Variants in MSH4 observed in about 807,000 individuals in gnomAD.
The protein encoded by MSH4 is mutS protein homolog 4.
A neutral mutation model predicts 113.7 loss-of-function variants in MSH4; 106 were observed. The observed-to-expected ratio is 0.93, with a 90% CI of 0.80 to 1.10. The LOEUF is 1.10. MSH4 is among the 50% of genes least tolerant of loss of function. The pLI, the probability that MSH4 is intolerant of heterozygous loss-of-function variation, is 0.00. For missense variants in MSH4, 1,061 were observed against 1,093.7 expected (o/e 0.97, Z 0.42); for synonymous variants, 368 against 380.2 (o/e 0.97, Z 0.37).
intron 7 of MSH4, among the ~76,000 whole-genome samples, chr1:75,836,981 T>A (rs568863984): frequency 6.6e-6 from 1 of 152,338 alleles, no homozygotes; most frequent in African/African-American, 2.4e-5. Flanking sequence ...GACTCAAATA[T>A]CTTATTGCCT....
chr1:75,817,832 C>T (rs890778930), intron 6 of MSH4, among the ~76,000 whole-genome samples: 9 of 152,028 alleles, frequency 5.9e-5, no homozygotes, highest in African/African-American at 1.9e-4. Context: ...AGACACCCCC[C>T]CTCCCCCTAG....
At chr1:75,885,059 G>GTATATATATATATATATATATA (rs1198722667) in intron 15 of MSH4, among the ~76,000 whole-genome samples, 115 of 112,472 alleles carry the variant, frequency 1.0e-3, no homozygotes, top group African/African-American at 4.5e-3. Context: ...GTGTGTGTGT[G>GTATATATATATATATATATATA]TATATATATA....
chr1:75,888,660 A>C (rs181684175), intron 15 of MSH4, among the ~76,000 whole-genome samples: 1 of 151,762 alleles, frequency 6.6e-6, no homozygotes, highest in African/African-American at 2.4e-5. Context: ...CATTTAAGAG[A>C]TACATAGTGA....
chr1:75,878,229 C>T lies in MSH4; in HGVS notation c.1451C>T (p.Thr484Ile). 1 of 1,609,942 alleles carries T rather than the reference C, an allele frequency of 6.2e-7. No homozygotes were observed. The highest frequency in any genetic ancestry group is 2.2e-5 in the East Asian group (1 of 44,746). The part of the protein sequence containing the change: ...RYMKGCLNMR[T>I]QKCYAVRSNI... The stretch of plus-strand genomic sequence containing the variant: ...ATGAAAGGATGCCTAAACATGAGGA[C>T]TCAGAAGTGCTATGCAGTGAGGTCT... The change falls in exon 11 of 20, where the codon ACT becomes ATT. Residue 484 changes from threonine (T) to isoleucine (I), a missense_variant. Thr to Ile is a moderately conservative substitution (Grantham distance 89). Transcript: ENST00000263187.
intron 1 of MSH4, among the ~76,000 whole-genome samples, chr1:75,800,140 C>T (rs2100498986): frequency 6.6e-6 from 1 of 152,236 alleles, no homozygotes; most frequent in East Asian, 1.9e-4. Flanking sequence ...CAGCCCTCTC[C>T]ATCTCCAGTT....
At chr1:75,858,361 CT>C (rs1380535101) in intron 8 of MSH4, among the ~76,000 whole-genome samples, 14 of 152,280 alleles carry the variant, frequency 9.2e-5, no homozygotes, top group African/African-American at 3.4e-4. Flanking sequence ...AAAGGGAATG[CT>C]TCCAGTTTTT....
chr1:75,803,720 T>C lies in MSH4; in HGVS notation c.245-11T>C, dbSNP rs1649992973. 1 of 1,532,196 alleles carries C rather than the reference T, an allele frequency of 6.5e-7. No individual in the cohort carries two copies. The highest frequency in any genetic ancestry group is 8.8e-7 in the Non-Finnish European group (1 of 1,141,444). The allele number at this position is 1,532,196 out of a possible 1,614,324, so 94.9% of individuals were successfully genotyped here. On this transcript the variant is annotated splice_polypyrimidine_tract_variant and intron_variant, in intron 1 of 19. Coordinates refer to ENST00000263187, the MANE Select transcript of MSH4 (RefSeq NM_002440.4). ...ATCTTTAAGAATTGACTGTTAATTT[T>C]TCAAATTTAGGTTCATACTTTGGAA...
At position 75,884,959 on chromosome 1, in the gene MSH4, A is replaced by C. The variant is rs572942693; in HGVS notation, c.2107+1138A>C. Among the ~76,000 whole-genome samples the C allele has an allele frequency of 1.1e-4, 16 of 149,468 alleles. No homozygotes were observed. The East Asian group carries it at 3.1e-3, about 29-fold the overall frequency. On this transcript the variant is annotated intron_variant, in intron 15 of 19. Coordinates refer to ENST00000263187, the MANE Select transcript of MSH4 (RefSeq NM_002440.4). ...AGCTATGAGGAGCTAATATATATGT[A>C]TATATGTATATGTATGTATGTATAT...
At chr1:75,907,759 G>GT (rs149333036) in intron 19 of MSH4, among the ~76,000 whole-genome samples, 54,523 of 126,356 alleles carry the variant, frequency 0.43, 11,914 homozygotes, top group African/African-American at 0.52. Flanking sequence ...CTTTCATTCT[G>GT]TTTTTTTTTC....
chr1:75,869,796 A>G (rs1651672084), intron 9 of MSH4, among the ~76,000 whole-genome samples: 1 of 152,168 alleles, frequency 6.6e-6, no homozygotes, highest in Middle Eastern at 3.2e-3. Context: ...CAGGGACGGG[A>G]CCCTCATGGA....
chr1:75,819,452 T>C (rs1045951257), intron 6 of MSH4, among the ~76,000 whole-genome samples: 2 of 152,216 alleles, frequency 1.3e-5, no homozygotes, highest in Non-Finnish European at 2.9e-5. Flanking sequence ...ATAGTGCTGC[T>C]GTACTCCAGC....
intron 7 of MSH4, among the ~76,000 whole-genome samples, chr1:75,835,719 T>C (rs1650813262): frequency 6.6e-6 from 1 of 152,164 alleles, no homozygotes; most frequent in Non-Finnish European, 1.5e-5. Context: ...CTCCCTGGAC[T>C]TCATCTTTTC....
chr1:75,909,772 T>C (rs560528536), intron 19 of MSH4, among the ~76,000 whole-genome samples: 7 of 152,014 alleles, frequency 4.6e-5, no homozygotes, highest in African/African-American at 1.7e-4. Flanking sequence ...GTACTCTCAA[T>C]CACTTCACTT....
chr1:75,867,488 C>T (rs5745434), intron 8 of MSH4, 26 bp from the exon 9 acceptor site: 49,540 of 1,314,832 alleles, frequency 0.038, 1,122 homozygotes, highest in African/African-American at 0.06. Flanking sequence ...TGGTGTCCAT[C>T]CAAATTTGGG....
chr1:75,831,275 C>A (rs911367542), intron 7 of MSH4, among the ~76,000 whole-genome samples: 1 of 152,084 alleles, frequency 6.6e-6, no homozygotes, highest in Non-Finnish European at 1.5e-5. Context: ...ACAGGAGCAC[C>A]CAGATTCATA....
intron 19 of MSH4, among the ~76,000 whole-genome samples, chr1:75,900,953 G>A (rs908862413): frequency 6.6e-6 from 1 of 151,882 alleles, no homozygotes; most frequent in Admixed American, 6.6e-5. Context: ...TTCGAAACAA[G>A]CTATTTTTAT....
At chr1:75,894,797 T>C (rs1428253530) in intron 17 of MSH4, among the ~76,000 whole-genome samples, 2 of 152,192 alleles carry the variant, frequency 1.3e-5, no homozygotes, top group African/African-American at 4.8e-5. Context: ...GTTGGCTTGA[T>C]AGACTGGTGG....
intron 7 of MSH4, among the ~76,000 whole-genome samples, chr1:75,832,170 A>C (rs933981529): frequency 6.6e-6 from 1 of 152,228 alleles, no homozygotes; most frequent in Non-Finnish European, 1.5e-5. Flanking sequence ...CTATGCAAAT[A>C]AACTAGAAAA....
intron 19 of MSH4, among the ~76,000 whole-genome samples, chr1:75,911,609 T>C (rs966923061): frequency 6.6e-6 from 1 of 152,150 alleles, no homozygotes; most frequent in Non-Finnish European, 1.5e-5. Flanking sequence ...TCTGTTATCA[T>C]GTGAGGTTTA....
Sources: gnomAD v4.1 joint callset for allele counts (sites outside exome capture counted in the v4.1 genomes callset) on GRCh38, gnomAD v4.1.1 for gene constraint, MANE v1.5 for transcripts, NCBI Gene and HGNC (gene_info 2026-07-23, HGNC 2026-07-21) for gene names.